SMAP1: variants seen among roughly 807,000 people sequenced by gnomAD.
SMAP1 encodes small ArfGAP 1.
Under a neutral mutation model 58.5 loss-of-function variants are expected in SMAP1, and 24 were observed. The ratio of observed to expected loss-of-function variants is 0.41; its 90% CI spans 0.30 to 0.58. SMAP1 has a LOEUF of 0.58. SMAP1 is among the 20% of genes least tolerant of loss of function. SMAP1 has a pLI of 0.29. For missense variants in SMAP1, 563 were observed against 566.3 expected, an observed-to-expected ratio of 0.99 and a Z score of 0.06; for synonymous variants, 216 against 196.6, an observed-to-expected ratio of 1.10 and a Z score of -0.82.
intron 1 of SMAP1, among the ~76,000 whole-genome samples, chr6:70,714,491 T>G (rs528472582): frequency 2.8e-4 from 42 of 152,262 alleles, no homozygotes; most frequent in Admixed American, 9.8e-4. Context: ...TTTACCTTTC[T>G]TACCCTCAAA....
chr6:70,827,274 A>G (rs1022387620), intron 6 of SMAP1, among the ~76,000 whole-genome samples: 9 of 152,356 alleles, frequency 5.9e-5, no homozygotes, highest in African/African-American at 1.7e-4. Flanking sequence ...AAGATATCAA[A>G]TGACAGAATA....
chr6:70,715,190 C>G (rs1158436520), intron 1 of SMAP1, among the ~76,000 whole-genome samples: 2 of 151,084 alleles, frequency 1.3e-5, no homozygotes, highest in Non-Finnish European at 2.9e-5. Flanking sequence ...CCTTGACCTC[C>G]CTAGGCTCAG....
intron 1 of SMAP1, among the ~76,000 whole-genome samples, chr6:70,713,451 T>G (rs2149839628): frequency 6.6e-6 from 1 of 152,296 alleles, no homozygotes; most frequent in East Asian, 1.9e-4. Context: ...TTTGGTTTGT[T>G]CTCTTTTTGT....
intron 1 of SMAP1, among the ~76,000 whole-genome samples, chr6:70,693,298 CTTTTTTTTTTTT>C (rs55693339): frequency 5.5e-5 from 6 of 109,642 alleles, no homozygotes; most frequent in South Asian, 3.2e-4. Flanking sequence ...ATGTCATCTT[CTTTTTTTTTTTT>C]TTTTTTTTTT....
At chr6:70,837,091 G>A in intron 7 of SMAP1, 63 bp downstream of exon 7, 1 of 1,253,912 alleles carries the variant, frequency 8.0e-7, no homozygotes, top group Non-Finnish European at 1.1e-6. Flanking sequence ...TTTACTTGGA[G>A]TGAATATAAT....
chr6:70,743,157 C>T (rs1017881265), intron 2 of SMAP1, among the ~76,000 whole-genome samples: 2 of 152,106 alleles, frequency 1.3e-5, no homozygotes, highest in Non-Finnish European at 1.5e-5. Flanking sequence ...ATTTTTTTCT[C>T]AGATCCATTG....
intron 6 of SMAP1, among the ~76,000 whole-genome samples, chr6:70,831,599 CCTT>C (rs1407793945): frequency 6.6e-6 from 1 of 152,118 alleles, no homozygotes; most frequent in Non-Finnish European, 1.5e-5. Context: ...GACATGATCT[CCTT>C]CTTTTTTATG....
At chr6:70,752,096 G>C (rs1317493852) in intron 2 of SMAP1, among the ~76,000 whole-genome samples, 1 of 152,208 alleles carries the variant, frequency 6.6e-6, no homozygotes, top group African/African-American at 2.4e-5. Flanking sequence ...AAATTTTCTA[G>C]ATACTTATTT....
intron 1 of SMAP1, among the ~76,000 whole-genome samples, chr6:70,689,973 C>A (rs1020782747): frequency 9.2e-5 from 14 of 152,110 alleles, no homozygotes; most frequent in African/African-American, 3.1e-4. Context: ...TATTAGGTCT[C>A]CTACCTAGAC....
intron 2 of SMAP1, among the ~76,000 whole-genome samples, chr6:70,741,367 A>C (rs925743487): frequency 1.3e-5 from 2 of 152,206 alleles, no homozygotes; most frequent in Non-Finnish European, 2.9e-5. Flanking sequence ...AAAATGAAGG[A>C]GCCACAGGCC....
chr6:70,781,873 T>C (rs1437663109), intron 4 of SMAP1, among the ~76,000 whole-genome samples: 2 of 152,182 alleles, frequency 1.3e-5, no homozygotes, highest in African/African-American at 4.8e-5. Context: ...TATACAATTG[T>C]AGTGTTCTGG....
At chr6:70,798,463 T>C (rs1354807596) in intron 5 of SMAP1, among the ~76,000 whole-genome samples, 194 bp from the exon 6 acceptor site, 1 of 152,044 alleles carries the variant, frequency 6.6e-6, no homozygotes, top group Non-Finnish European at 1.5e-5. Flanking sequence ...TTAACAGATA[T>C]TCTTTAGTGT....
At chr6:70,776,218 C>G (rs1767540219) in intron 4 of SMAP1, among the ~76,000 whole-genome samples, 1 of 152,062 alleles carries the variant, frequency 6.6e-6, no homozygotes, top group Admixed American at 6.5e-5. Flanking sequence ...GAGTCTCGCT[C>G]TGTTGCCAGA....
Position 70,668,064 on chromosome 6 carries a change from A to G in SMAP1, c.41A>G (p.Asn14Ser). ...TGTCGGGAGAAGGCTCAGAAGCTGA[A>G]CGAGCAGCACCAGCTCATCCTATCC... Reference protein sequence around the residue: ...RSCREKAQKLNEQHQLILSKL... With the variant: ...RSCREKAQKLSEQHQLILSKL... Residue 14 changes from asparagine to serine, a missense_variant, in exon 1 of 11, where the codon AAC becomes AGC. Physicochemically the swap from Asn to Ser is conservative, Grantham distance 46 (BLOSUM62 1). Around this residue, in one of 3 missense-constraint regions of SMAP1, gnomAD observed 52 missense variants for 46.6 expected, o/e 1.11. Transcript: ENST00000370455. The G allele has an allele frequency of 6.2e-7, 1 of 1,604,698 alleles. No individual in the cohort carries two copies. The highest frequency in any genetic ancestry group is 8.5e-7 in the Non-Finnish European group (1 of 1,176,308).
At chr6:70,674,540 A>C (rs977455944) in intron 1 of SMAP1, among the ~76,000 whole-genome samples, 5 of 152,224 alleles carry the variant, frequency 3.3e-5, no homozygotes, top group African/African-American at 1.2e-4. Flanking sequence ...TTTTGTAGTT[A>C]TTATCAGAAG....
At chr6:70,785,099 C>T (rs1767949154) in intron 4 of SMAP1, among the ~76,000 whole-genome samples, 1 of 152,180 alleles carries the variant, frequency 6.6e-6, no homozygotes, top group South Asian at 2.1e-4. Flanking sequence ...TTATAACAAA[C>T]TGTCTCTCAG....
chr6:70,746,839 T>C lies in SMAP1; in HGVS notation c.253-8141T>C, dbSNP rs1766063520. ...GGTTGATAGGCTATTAATTATTGCC[T>C]CAATTTCAGAGGCTGATTTAAGTCT... is the stretch of plus-strand genomic sequence containing the variant. On this transcript the variant is annotated intron_variant, in intron 2 of 10. Transcript: ENST00000370455. Among the ~76,000 whole-genome samples the C allele has an allele frequency of 2.0e-5, 3 of 152,264 alleles. No individual in the cohort carries two copies. In the South Asian group the frequency reaches 6.2e-4, roughly 32 times the overall value.
At chr6:70,837,943 G>A (rs1770661687) in intron 7 of SMAP1, 3 of 1,120,182 alleles carry the variant, frequency 2.7e-6, no homozygotes, top group Non-Finnish European at 3.3e-6. Flanking sequence ...TTCTTAGGAA[G>A]CTGGTACATC....
At chr6:70,788,460 A>G (rs1357412088) in intron 4 of SMAP1, among the ~76,000 whole-genome samples, 1 of 151,970 alleles carries the variant, frequency 6.6e-6, no homozygotes, top group Non-Finnish European at 1.5e-5. Flanking sequence ...TCATAATAAT[A>G]AAAAATAAAA....
Sources: gnomAD v4.1 joint callset for allele counts (sites outside exome capture counted in the v4.1 genomes callset) on GRCh38, gnomAD v4.1.1 for gene constraint, gnomAD v4.1.1 regional missense constraint, MANE v1.5 for transcripts, NCBI Gene and HGNC (gene_info 2026-07-23, HGNC 2026-07-21) for gene names.